EIPR1: variants seen among roughly 807,000 people sequenced by gnomAD.
EIPR1 encodes EARP and GARP complex-interacting protein 1.
A neutral mutation model predicts 48.1 loss-of-function variants in EIPR1; 25 were observed. That is an observed-to-expected ratio of 0.52 (90% CI 0.38 to 0.73). The LOEUF is 0.73. Among genes scored for constraint, EIPR1 ranks in the 30% least tolerant of loss-of-function variants. EIPR1 has a pLI of 0.00. For missense variants in EIPR1, 415 were observed against 506.2 expected (o/e 0.82, Z 1.73); for synonymous variants, 204 against 201.9 (o/e 1.01, Z -0.09).
At chr2:3,234,479 G>A (rs573414313) in intron 4 of EIPR1, among the ~76,000 whole-genome samples, 64 of 152,152 alleles carry the variant, frequency 4.2e-4, no homozygotes, top group Non-Finnish European at 7.5e-4. Flanking sequence ...GGCAGCCAGG[G>A]CCCTGTGTCA....
chr2:3,373,410 T>C (rs1317453232), intron 1 of EIPR1, among the ~76,000 whole-genome samples: 4 of 152,228 alleles, frequency 2.6e-5, no homozygotes, highest in African/African-American at 4.8e-5. Flanking sequence ...ATAAAGGCTA[T>C]TCGATTAGGA....
chr2:3,212,775 G>A (rs1025632290), intron 5 of EIPR1, among the ~76,000 whole-genome samples: 4 of 152,176 alleles, frequency 2.6e-5, no homozygotes, highest in Non-Finnish European at 5.9e-5. Context: ...AAAAGTTTGT[G>A]TGAAACTTGC....
chr2:3,295,524 T>C (rs1668539457), intron 3 of EIPR1, among the ~76,000 whole-genome samples: 1 of 62,350 alleles, frequency 1.6e-5, no homozygotes, highest in Admixed American at 1.8e-4. Context: ...ATCCAGCCCA[T>C]CGTCTCTCCA....
intron 4 of EIPR1, among the ~76,000 whole-genome samples, chr2:3,228,519 C>G (rs1666136062): frequency 6.6e-6 from 1 of 152,156 alleles, no homozygotes; most frequent in South Asian, 2.1e-4. Flanking sequence ...TGGGTTAATG[C>G]TGGAATGAGT....
chr2:3,249,882 A>T (rs948136993), intron 4 of EIPR1, among the ~76,000 whole-genome samples: 1 of 152,232 alleles, frequency 6.6e-6, no homozygotes, highest in Non-Finnish European at 1.5e-5. Context: ...ATGCCCTGGC[A>T]ACTTCCACAT....
chr2:3,204,300 C>T (rs1055760120), intron 5 of EIPR1, among the ~76,000 whole-genome samples: 1 of 152,244 alleles, frequency 6.6e-6, no homozygotes, highest in African/African-American at 2.4e-5. Context: ...AACGCCTGTA[C>T]TCCCAGGCCC....
intron 3 of EIPR1, among the ~76,000 whole-genome samples, chr2:3,302,080 G>T (rs569057504): frequency 5.3e-5 from 8 of 152,354 alleles, no homozygotes; most frequent in African/African-American, 1.7e-4. Flanking sequence ...AAAATCTCCA[G>T]AGTGGAACTG....
At chr2:3,314,728 C>T (rs1669232680) in intron 3 of EIPR1, among the ~76,000 whole-genome samples, 1 of 151,876 alleles carries the variant, frequency 6.6e-6, no homozygotes, top group South Asian at 2.1e-4. Context: ...GCTCCGATGC[C>T]CCTCTGACTG....
rs765390441 is a variant in EIPR1, at chr2:3,208,260, T to C, written c.516+5889A>G. 1.3e-5 allele frequency: 6 copies of C among 448,442 alleles called. No individual in the cohort carries two copies. The East Asian group carries it at 2.2e-4, about 17-fold the overall frequency. The allele number at this position is 448,442 out of a possible 1,614,324, so 27.8% of individuals were successfully genotyped here. ...AAATGTTATTGATCATTCAAGATACTCAAATAAGAGCAAGTTATCTGAGAA... is the reference window on the plus strand; with the variant it reads ...AAATGTTATTGATCATTCAAGATACCCAAATAAGAGCAAGTTATCTGAGAA... On this transcript the variant is annotated intron_variant, in intron 5 of 8. Coordinates refer to ENST00000382125, the MANE Select transcript of EIPR1 (RefSeq NM_003310.5).
rs1664713845 is a variant in EIPR1 at position 3,194,181 on chromosome 2, A to C, written c.654-15T>G. On this transcript the variant is annotated splice_polypyrimidine_tract_variant and intron_variant, in intron 6 of 8. Coordinates refer to ENST00000382125, the MANE Select transcript of EIPR1 (RefSeq NM_003310.5). The stretch of plus-strand genomic sequence containing the variant: ...AGTAGATCTGGCTGAGGGAGAAGGA[A>C]GAACAGCAAAGGAAAATAGTAAATG... 6.2e-7 allele frequency: 1 copy of C among 1,612,382 alleles called. No homozygotes were observed. Among genetic ancestry groups the C allele is most frequent in the Non-Finnish European group, 8.5e-7 (1 of 1,179,126 alleles).
chr2:3,368,319 G>C (rs996140463), intron 1 of EIPR1, among the ~76,000 whole-genome samples: 1 of 152,196 alleles, frequency 6.6e-6, no homozygotes, highest in East Asian at 1.9e-4. Context: ...GTGGTAAACC[G>C]AAGGGAAAGC....
chr2:3,214,241 A>G lies in EIPR1; in HGVS notation c.424T>C (p.Trp142Arg). The G allele has an allele frequency of 1.9e-6, 3 of 1,613,554 alleles. No homozygotes were observed. The highest frequency in any genetic ancestry group is 2.5e-6 in the Non-Finnish European group (3 of 1,179,732). Reference protein sequence around the residue: ...TAHGNMACVVWEPMGDGKKII... With the variant: ...TAHGNMACVVREPMGDGKKII... ...TTCTTCCCATCTCCCATTGGCTCCC[A>G]CACGACACTAAGAGAAAGAGAAGTA... The change falls in exon 5 of 9, where the codon TGG becomes CGG. Residue 142 changes from tryptophan (W) to arginine (R), a missense_variant. By Grantham distance (101) the Trp-to-Arg change is moderately radical. Transcript: ENST00000382125.
In EIPR1 at chr2:3,273,999, G is replaced by A. The variant is rs60368687; in HGVS notation, c.260-16544C>T. On this transcript the variant is annotated intron_variant, in intron 3 of 8. Transcript: ENST00000382125. Reference sequence around the variant, plus strand: ...AAAAAAAATAATAAAGCATCTAGAAGTAAAAATCATGACTGTTGAAATAGA... The same window carrying A: ...AAAAAAAATAATAAAGCATCTAGAAATAAAAATCATGACTGTTGAAATAGA... Among the ~76,000 whole-genome samples the A allele has an allele frequency of 3.3e-4, 51 of 152,310 alleles. 1 individual carries two copies. In the East Asian group the frequency reaches 9.6e-3, roughly 29 times the overall value.
rs545780120 is a variant in EIPR1, at chr2:3,371,494, G to A, written c.42+6154C>T. ...GCTGTATTCAGGAAGCCCATCTCAC[G>A]TGCAGAGACACACATAGGCTCAAAA... is the stretch of plus-strand genomic sequence containing the variant. On this transcript the variant is annotated intron_variant, in intron 1 of 8. Coordinates refer to ENST00000382125, the MANE Select transcript of EIPR1 (RefSeq NM_003310.5). Among the ~76,000 whole-genome samples, 505 of 152,204 alleles carry A rather than the reference G, an allele frequency of 3.3e-3. 3 individuals are homozygous for A. Among genetic ancestry groups the A allele is most frequent in the African/African-American group, 0.01 (434 of 41,506 alleles).
At chr2:3,354,073 C>T (rs1409538565) in intron 2 of EIPR1, among the ~76,000 whole-genome samples, 2 of 152,204 alleles carry the variant, frequency 1.3e-5, no homozygotes, top group African/African-American at 4.8e-5. Flanking sequence ...TAAGTGTCCG[C>T]TACAGTGACC....
intron 3 of EIPR1, among the ~76,000 whole-genome samples, chr2:3,272,621 C>T (rs1027970533): frequency 7.9e-5 from 12 of 152,120 alleles, no homozygotes; most frequent in East Asian, 3.8e-4. Context: ...GGGCATGGTT[C>T]GTGGAGCCCC....
intron 3 of EIPR1, among the ~76,000 whole-genome samples, chr2:3,332,167 A>T (rs911583028): frequency 2.0e-5 from 3 of 152,262 alleles, no homozygotes; most frequent in Non-Finnish European, 4.4e-5. Flanking sequence ...AAATAAAAGC[A>T]GCAAAGTTGG....
rs1346439335 is a variant in EIPR1 at position 3,199,076 on chromosome 2, C to G, written c.517-2059G>C. Among the ~76,000 whole-genome samples, 30 of 82,042 alleles carry G rather than the reference C, an allele frequency of 3.7e-4. 5 individuals are homozygous for G. The highest frequency in any genetic ancestry group is 8.2e-4 in the Non-Finnish European group (25 of 30,492). The allele number at this position is 82,042 out of a possible 152,430, so 53.8% of individuals were successfully genotyped here. On this transcript the variant is annotated intron_variant, in intron 5 of 8. Transcript: ENST00000382125. ...ATTTTAGAGGGCCCCCCCCCCGCCC[C>G]GGGAATGCATTCTTTTCCCGGGCTG...
At chr2:3,299,468 CCTT>C (rs1371022554) in intron 3 of EIPR1, among the ~76,000 whole-genome samples, 1 of 152,154 alleles carries the variant, frequency 6.6e-6, no homozygotes, top group Non-Finnish European at 1.5e-5. Flanking sequence ...ACGAATATCT[CCTT>C]CTCTTAGGAA....
Sources: allele counts gnomAD v4.1 joint callset (sites outside exome capture counted in the v4.1 genomes callset), GRCh38; gene constraint gnomAD v4.1.1; transcripts MANE v1.5; gene names NCBI Gene and HGNC (gene_info 2026-07-23, HGNC 2026-07-21).